Variants in PCNX2 observed in about 807,000 individuals in gnomAD.
The protein encoded by PCNX2 is pecanex-like protein 2.
In PCNX2, 168 loss-of-function variants were observed where a neutral mutation model predicts 223.8. The observed-to-expected ratio is 0.75, with a 90% CI of 0.66 to 0.85. The LOEUF (loss-of-function observed/expected upper bound fraction) is 0.85, where lower values mean the gene tolerates loss of function less well. Ranked by LOEUF, PCNX2 falls within the 40% of genes least tolerant of loss-of-function variation. PCNX2 has a pLI of 0.00. For synonymous variants in PCNX2, 1,006 were observed against 1,052.6 expected (o/e 0.96, Z 0.86); for missense variants, 2,507 against 2,675.5 (o/e 0.94, Z 1.39).
chr1:233,324,753 A>G, the PCNX2 span, among the ~76,000 whole-genome samples: 1 of 151,962 alleles, frequency 6.6e-6, no homozygotes, highest in African/African-American at 2.4e-5. Context: ...GGTGTGCATC[A>G]CCACACCTGG....
chr1:233,165,801 T>C (rs958600699), intron 17 of PCNX2, among the ~76,000 whole-genome samples: 5 of 152,176 alleles, frequency 3.3e-5, no homozygotes, highest in Non-Finnish European at 7.3e-5. Flanking sequence ...CAAAACTGAT[T>C]GATAAATTCA....
intron 23 of PCNX2, among the ~76,000 whole-genome samples, chr1:233,075,995 A>G (rs1673081665): frequency 6.6e-6 from 1 of 152,240 alleles, no homozygotes. Flanking sequence ...GCAACTAATA[A>G]AAATAGTAAT....
intron 25 of PCNX2, among the ~76,000 whole-genome samples, chr1:233,038,856 G>A (rs1012407403): frequency 1.3e-5 from 2 of 152,230 alleles, no homozygotes; most frequent in African/African-American, 4.8e-5. Flanking sequence ...ATTATGGGGT[G>A]TTAGCCAAAC....
rs34818026 is a variant in PCNX2 at position 233,218,209 on chromosome 1, C to CAAAAA, written c.2505-30_2505-26dup. On this transcript the variant is annotated intron_variant, in intron 10 of 33. Transcript: ENST00000258229. ...TCTGTGCAAAATATATACATAAAAG[C>CAAAAA]AAAAAAAAAAAAAAAAAAAAAAAGT... 36 of 275,628 alleles carry CAAAAA rather than the reference C, an allele frequency of 1.3e-4. 1 individual carries two copies. Among genetic ancestry groups the CAAAAA allele is most frequent in the Middle Eastern group, 1.3e-3 (1 of 756 alleles). 17.1% of individuals were successfully genotyped at this position (275,628 alleles called of 1,614,324 possible). A position where few individuals can be genotyped will look rare whatever the true frequency, so the allele number is the denominator to read the frequency against.
chr1:233,110,306 C>A (rs1293076310), intron 21 of PCNX2, among the ~76,000 whole-genome samples: 1 of 152,032 alleles, frequency 6.6e-6, no homozygotes, highest in Non-Finnish European at 1.5e-5. Context: ...CAAAGGTAAG[C>A]CTTGCAGAAG....
At chr1:233,041,053 C>T (rs1050426478) in intron 25 of PCNX2, among the ~76,000 whole-genome samples, 2 of 152,128 alleles carry the variant, frequency 1.3e-5, no homozygotes, top group Non-Finnish European at 2.9e-5. Flanking sequence ...CCTCAGCTTA[C>T]ACTCCATGGC....
At chr1:233,080,670 G>A (rs896920839) in intron 23 of PCNX2, among the ~76,000 whole-genome samples, 4 of 151,868 alleles carry the variant, frequency 2.6e-5, no homozygotes, top group African/African-American at 9.7e-5. Flanking sequence ...CTTTTATGAG[G>A]GCACTAATTC....
chr1:233,224,264 T>C (rs1197594237), intron 10 of PCNX2, among the ~76,000 whole-genome samples: 1 of 152,172 alleles, frequency 6.6e-6, no homozygotes, highest in South Asian at 2.1e-4. Context: ...TGGCAAGATA[T>C]GAAATCAGAG....
chr1:233,227,349 G>C lies in PCNX2; in HGVS notation c.2381C>G (p.Ala794Gly), dbSNP rs762634526. ...TPRHVSQDLE[A>G]SSCSSTQGKF... ...TCCTTGTGTTGAAGAACATGACGAG[G>C]CTTCCAGATCCTGACTCACATGCTT... The change falls in exon 10 of 34, where the codon GCC (alanine) becomes GGC (glycine). Residue 794 changes from alanine to glycine, a missense_variant. Transcript: ENST00000258229. 6.2e-7 allele frequency: 1 copy of C among 1,613,026 alleles called. No individual in the cohort carries two copies. The highest frequency in any genetic ancestry group is 8.5e-7 in the Non-Finnish European group (1 of 1,179,552).
intron 21 of PCNX2, among the ~76,000 whole-genome samples, chr1:233,098,293 G>A (rs111908966): frequency 0.037 from 5,668 of 152,276 alleles, 343 homozygotes; most frequent in African/African-American, 0.13. Flanking sequence ...CCCAGGGAAA[G>A]CTTCATCTGC....
chr1:233,073,460 A>G (rs1245099026), intron 23 of PCNX2, among the ~76,000 whole-genome samples: 2 of 151,632 alleles, frequency 1.3e-5, no homozygotes, highest in African/African-American at 2.4e-5. Context: ...GATTTATTTG[A>G]GATCTTTAAA....
chr1:233,260,122 T>C (rs1305131334), intron 4 of PCNX2, among the ~76,000 whole-genome samples: 1 of 152,180 alleles, frequency 6.6e-6, no homozygotes, highest in Non-Finnish European at 1.5e-5. Flanking sequence ...TGGTATCTTT[T>C]ATAAGATTTG....
In PCNX2 at chr1:232,998,300, T is replaced by G; in HGVS notation, c.5742A>C (p.Lys1914Asn). The change falls in exon 32 of 34, where the codon AAA becomes AAC. Residue 1914 changes from lysine to asparagine, a missense_variant. Coordinates refer to ENST00000258229, the MANE Select transcript of PCNX2 (RefSeq NM_014801.4). ...SQESSAEQPR[K>N]GGAQHGVSSC... is the part of the protein sequence containing the mutation. ...ATGACACCCCGTGCTGAGCACCGCCTTTTCTGGGCTGTTCTGCGCTGCTCT... is the reference window on the plus strand; with the variant it reads ...ATGACACCCCGTGCTGAGCACCGCCGTTTCTGGGCTGTTCTGCGCTGCTCT... 1 of 1,607,434 alleles carries G rather than the reference T, an allele frequency of 6.2e-7. No individual in the cohort carries two copies. Among genetic ancestry groups the G allele is most frequent in the Non-Finnish European group, 8.5e-7 (1 of 1,176,736 alleles).
chr1:233,168,615 T>A (rs1558303974), intron 17 of PCNX2, among the ~76,000 whole-genome samples: 1 of 152,104 alleles, frequency 6.6e-6, no homozygotes, highest in Non-Finnish European at 1.5e-5. Flanking sequence ...CCTTGACTGC[T>A]ACTATTAGGT....
In PCNX2 at chr1:233,252,744, T is replaced by C. The variant is rs1659532022; in HGVS notation, c.1879A>G (p.Lys627Glu). 2.5e-6 allele frequency: 4 copies of C among 1,613,268 alleles called. No individual in the cohort carries two copies. The highest frequency in any genetic ancestry group is 3.4e-6 in the Non-Finnish European group (4 of 1,179,732). The change falls in exon 6 of 34, where the codon AAG becomes GAG. Residue 627 changes from lysine (K) to glutamate (E), a missense_variant. Transcript: ENST00000258229. The part of the protein sequence containing the change: ...EKKEEILENE[K>E]PSGHSSKQGK... ...TGCTTAGAACTGTGTCCACTGGGCTTTTCATTTTCCAGGATTTCCTCCTTT... is the reference window on the plus strand; with the variant it reads ...TGCTTAGAACTGTGTCCACTGGGCTCTTCATTTTCCAGGATTTCCTCCTTT...
chr1:233,317,944 C>T, the PCNX2 span, among the ~76,000 whole-genome samples: 4 of 152,180 alleles, frequency 2.6e-5, no homozygotes, highest in Admixed American at 1.3e-4. Context: ...TGCTGTTAAT[C>T]GCAGTGTTAT....
chr1:233,141,386 A>C (rs77984536), intron 19 of PCNX2, among the ~76,000 whole-genome samples: 6,004 of 152,272 alleles, frequency 0.039, 410 homozygotes, highest in African/African-American at 0.13. Context: ...ATGAAGAGAG[A>C]CCGGGTGCGG....
intron 12 of PCNX2, among the ~76,000 whole-genome samples, chr1:233,210,278 C>T (rs78274504): frequency 0.062 from 9,454 of 152,156 alleles, 653 homozygotes; most frequent in African/African-American, 0.17. Context: ...ACAAGGCACA[C>T]AAACCACTTT....
the PCNX2 span, among the ~76,000 whole-genome samples, chr1:233,318,563 C>CTTTTTTT: frequency 2.7e-3 from 253 of 92,498 alleles, no homozygotes; most frequent in East Asian, 4.6e-3. Context: ...TTTTCTTTTT[C>CTTTTTTT]TTTTTTTTTT....
Sources: allele counts gnomAD v4.1 joint callset (sites outside exome capture counted in the v4.1 genomes callset), GRCh38; gene constraint gnomAD v4.1.1; transcripts MANE v1.5; gene names NCBI Gene and HGNC (gene_info 2026-07-23, HGNC 2026-07-21).